PPP2R2C: variants seen among roughly 807,000 people sequenced by gnomAD.
PPP2R2C encodes protein phosphatase 2, regulatory subunit B, gamma.
In PPP2R2C, 10 loss-of-function variants were observed where a neutral mutation model predicts 45.3. The observed-to-expected ratio is 0.22, with a 90% CI of 0.14 to 0.37. The LOEUF (loss-of-function observed/expected upper bound fraction) is 0.37, where lower values mean the gene tolerates loss of function less well. Among genes scored for constraint, PPP2R2C ranks in the 10% least tolerant of loss-of-function variants. The pLI, the probability that PPP2R2C is intolerant of heterozygous loss-of-function variation, is 1.00. For synonymous variants in PPP2R2C, 257 were observed against 245.4 expected (o/e 1.05, Z -0.44); for missense variants, 308 against 619.7 (o/e 0.50, Z 5.34).
intron 1 of PPP2R2C, among the ~76,000 whole-genome samples, chr4:6,463,992 C>A (rs900917505): frequency 6.6e-6 from 1 of 152,188 alleles, no homozygotes; most frequent in African/African-American, 2.4e-5. Flanking sequence ...TGGGTCCCAG[C>A]CAATTAATGT....
Position 6,389,734 on chromosome 4 carries a change from C to A in PPP2R2C, c.71-8640G>T, listed in dbSNP as rs532186821. The stretch of plus-strand genomic sequence containing the variant: ...CAGCTTTAGCATTTTACACCTATTA[C>A]TGAATCTTCTTAACAACTCCAAGAT... On this transcript the variant is annotated intron_variant, in intron 1 of 8. Transcript: ENST00000382599. 2.6e-5 allele frequency among the ~76,000 whole-genome samples: 4 copies of A among 152,344 alleles called. No homozygotes were observed. The South Asian group carries it at 8.3e-4, about 32-fold the overall frequency.
intron 1 of PPP2R2C, among the ~76,000 whole-genome samples, chr4:6,391,310 T>G (rs780903373): frequency 4.6e-5 from 7 of 151,950 alleles, no homozygotes; most frequent in Non-Finnish European, 8.8e-5. Context: ...GACCTCTCCC[T>G]CCTCCCTACC....
At chr4:6,404,881 G>A (rs1717692806) in intron 1 of PPP2R2C, among the ~76,000 whole-genome samples, 1 of 152,230 alleles carries the variant, frequency 6.6e-6, no homozygotes, top group Admixed American at 6.5e-5. Context: ...GGCCAACTGC[G>A]GTCAGGTCCG....
chr4:6,447,242 T>C (rs1488673728), intron 1 of PPP2R2C, among the ~76,000 whole-genome samples: 1 of 152,138 alleles, frequency 6.6e-6, no homozygotes, highest in Non-Finnish European at 1.5e-5. Flanking sequence ...CCTCCCACTC[T>C]GAGGAGGCCT....
intron 1 of PPP2R2C, chr4:6,381,596 C>T (rs1016523348): frequency 1.4e-6 from 2 of 1,456,108 alleles, no homozygotes; most frequent in African/African-American, 1.4e-5. Context: ...GTGAATTACC[C>T]CCTCTCCTTC....
intron 1 of PPP2R2C, chr4:6,414,072 G>GTGTT (rs200269633): frequency 9.7e-6 from 11 of 1,136,152 alleles, no homozygotes; most frequent in Middle Eastern, 2.9e-4. Context: ...AGTTTTGCCT[G>GTGTT]TGTATGTGTG....
chr4:6,518,842 G>C (rs1332508671), intron 2 of PPP2R2C, among the ~76,000 whole-genome samples: 1 of 139,166 alleles, frequency 7.2e-6, no homozygotes, highest in Non-Finnish European at 1.5e-5. Context: ...AGAATTGTTT[G>C]AACCCGAGAG....
intron 2 of PPP2R2C, among the ~76,000 whole-genome samples, chr4:6,498,184 G>T (rs1343033464): frequency 6.6e-6 from 1 of 152,184 alleles, no homozygotes; most frequent in Non-Finnish European, 1.5e-5. Context: ...CATCGACAAG[G>T]AATACGAAAT....
At chr4:6,337,326 G>A (rs1043373786) in intron 6 of PPP2R2C, among the ~76,000 whole-genome samples, 7 of 151,496 alleles carry the variant, frequency 4.6e-5, no homozygotes, top group Admixed American at 2.6e-4. Flanking sequence ...GGGAGAAGCA[G>A]GGAGAGGGCT....
At chr4:6,423,385 G>A (rs929702063) in intron 1 of PPP2R2C, among the ~76,000 whole-genome samples, 1 of 152,156 alleles carries the variant, frequency 6.6e-6, no homozygotes, top group Non-Finnish European at 1.5e-5. Context: ...TGTGTTTTTA[G>A]TAGAGACGAG....
chr4:6,409,917 G>T (rs970848294), intron 1 of PPP2R2C, among the ~76,000 whole-genome samples: 3 of 152,176 alleles, frequency 2.0e-5, no homozygotes, highest in Admixed American at 6.5e-5. Flanking sequence ...GTGGATGAAA[G>T]TTCCATTTTC....
At chr4:6,526,080 C>T (rs77812182) in intron 2 of PPP2R2C, among the ~76,000 whole-genome samples, 5,547 of 152,216 alleles carry the variant, frequency 0.036, 346 homozygotes, top group African/African-American at 0.13. Flanking sequence ...AGGCTCTTCC[C>T]GTCCTCTGCT....
chr4:6,557,463 C>T (rs929231082), intron 1 of PPP2R2C, among the ~76,000 whole-genome samples: 1 of 152,158 alleles, frequency 6.6e-6, no homozygotes, highest in South Asian at 2.1e-4. Flanking sequence ...CTGGGTGGGA[C>T]GTATTTAGCT....
At chr4:6,384,911 GT>G in intron 1 of PPP2R2C, 1 of 923,612 alleles carries the variant, frequency 1.1e-6, no homozygotes, top group Non-Finnish European at 1.3e-6. Flanking sequence ...GTGGTCTTGG[GT>G]AAGCCACACA....
chr4:6,406,527 C>T lies in PPP2R2C; in HGVS notation c.71-25433G>A, dbSNP rs550951950. On this transcript the variant is annotated intron_variant, in intron 1 of 8. Transcript: ENST00000382599. Reference sequence around the variant, plus strand: ...GGTAGATCGCTTGAGCCCAGGAGTTCGAGACCAGCCTGGGCAACATTTTAT... The same window carrying T: ...GGTAGATCGCTTGAGCCCAGGAGTTTGAGACCAGCCTGGGCAACATTTTAT... Among the ~76,000 whole-genome samples the T allele has an allele frequency of 1.0e-3, 153 of 152,110 alleles. 1 individual carries two copies. Among genetic ancestry groups the T allele is most frequent in the African/African-American group, 3.4e-3 (139 of 41,482 alleles).
chr4:6,336,321 G>C (rs551210041), intron 6 of PPP2R2C, among the ~76,000 whole-genome samples: 2 of 152,146 alleles, frequency 1.3e-5, no homozygotes, highest in East Asian at 3.9e-4. Context: ...CACATTGAAG[G>C]GAGGACCAGA....
intron 5 of PPP2R2C, chr4:6,349,597 T>C: frequency 2.0e-6 from 2 of 985,182 alleles, no homozygotes; most frequent in Non-Finnish European, 1.2e-6. Flanking sequence ...TCCCAGCACT[T>C]TGGGAGGCCG....
rs578116588 is a variant in PPP2R2C at position 6,325,660 on chromosome 4, G to T, written c.1053-2067C>A. 5.9e-5 allele frequency among the ~76,000 whole-genome samples: 9 copies of T among 152,260 alleles called. 1 individual carries two copies. The highest frequency in any genetic ancestry group is 5.9e-4 in the Admixed American group (9 of 15,300). On this transcript the variant is annotated intron_variant, in intron 8 of 8. Coordinates refer to ENST00000382599, the MANE Select transcript of PPP2R2C (RefSeq NM_020416.4). Reference sequence around the variant, plus strand: ...CGGGTGTGGAATTCAGCTGACACGTGCTCTGGGGGAGAGGGAGGGGCCCCT... The same window carrying T: ...CGGGTGTGGAATTCAGCTGACACGTTCTCTGGGGGAGAGGGAGGGGCCCCT...
upstream of PPP2R2C, among the ~76,000 whole-genome samples, chr4:6,477,138 C>T (rs527582341): frequency 7.9e-5 from 12 of 152,164 alleles, no homozygotes; most frequent in East Asian, 7.8e-4. Flanking sequence ...GCTTGTGGTC[C>T]GAGCTACTCG....
Sources: gnomAD v4.1 joint callset for allele counts (sites outside exome capture counted in the v4.1 genomes callset) on GRCh38, gnomAD v4.1.1 for gene constraint, MANE v1.5 for transcripts, NCBI Gene and HGNC (gene_info 2026-07-23, HGNC 2026-07-21) for gene names.